The following RBFOX3 variants were observed in gnomAD, a reference collection of about 807,000 sequenced individuals.
RBFOX3 encodes RNA binding fox-1 homolog 3, also known as RNA binding protein fox-1 homolog 3.
A neutral mutation model predicts 48.7 loss-of-function variants in RBFOX3; 17 were observed. That is an observed-to-expected ratio of 0.35 (90% CI 0.24 to 0.52). The LOEUF is 0.52. Among genes scored for constraint, RBFOX3 ranks in the 20% least tolerant of loss-of-function variants. The probability of loss-of-function intolerance (pLI) is 0.94; values close to 1 mark genes in which losing one functional copy is unlikely to be tolerated. For missense variants in RBFOX3, 382 were observed against 497.5 expected, an observed-to-expected ratio of 0.77 and a Z score of 2.21; for synonymous variants, 212 against 209.5, an observed-to-expected ratio of 1.01 and a Z score of -0.10.
At chr17:79,595,620 G>A (rs1230800968) in intron 1 of RBFOX3, among the ~76,000 whole-genome samples, 2 of 152,188 alleles carry the variant, frequency 1.3e-5, no homozygotes, top group African/African-American at 2.4e-5. Context: ...TAGCAGCGGG[G>A]AGACCTGTGG....
chr17:79,186,224 C>G (rs1245334931), intron 4 of RBFOX3, among the ~76,000 whole-genome samples: 11 of 152,218 alleles, frequency 7.2e-5, no homozygotes, highest in Admixed American at 1.3e-4. Flanking sequence ...CACCCAGCTC[C>G]AGAGAGAGAG....
At chr17:79,125,075 C>A (rs180672022) in intron 4 of RBFOX3, among the ~76,000 whole-genome samples, 2 of 152,190 alleles carry the variant, frequency 1.3e-5, no homozygotes, top group African/African-American at 4.8e-5. Flanking sequence ...GACCTCTAGA[C>A]GCCTCCTTGA....
intron 1 of RBFOX3, among the ~76,000 whole-genome samples, chr17:79,510,207 C>T (rs942403501): frequency 6.6e-6 from 1 of 152,154 alleles, no homozygotes; most frequent in Non-Finnish European, 1.5e-5. Flanking sequence ...CACGGAAAAG[C>T]CACCAGCCCT....
At chr17:79,541,251 T>C (rs1461935145) in intron 1 of RBFOX3, among the ~76,000 whole-genome samples, 3 of 151,924 alleles carry the variant, frequency 2.0e-5, no homozygotes, top group African/African-American at 7.3e-5. Context: ...GATTCCAAGC[T>C]AAGGGTATAT....
At chr17:79,582,240 G>A (rs36188729) in intron 1 of RBFOX3, among the ~76,000 whole-genome samples, 4,674 of 148,752 alleles carry the variant, frequency 0.031, 155 homozygotes, top group Admixed American at 0.068. Context: ...GCATGTGCCT[G>A]CCCATGTATG....
intron 1 of RBFOX3, among the ~76,000 whole-genome samples, chr17:79,609,542 A>G (rs2093921660): frequency 6.6e-6 from 1 of 152,214 alleles, no homozygotes; most frequent in Admixed American, 6.5e-5. Flanking sequence ...TAAATAAATC[A>G]GGTACCTCGC....
At chr17:79,578,956 G>A (rs1441261149) in intron 1 of RBFOX3, among the ~76,000 whole-genome samples, 1 of 152,204 alleles carries the variant, frequency 6.6e-6, no homozygotes, top group South Asian at 2.1e-4. Flanking sequence ...TCTCTAAGAC[G>A]CAGTGGCCTT....
At chr17:79,315,032 C>T (rs1598219692) in intron 2 of RBFOX3, among the ~76,000 whole-genome samples, 5 of 152,142 alleles carry the variant, frequency 3.3e-5, no homozygotes, top group African/African-American at 2.4e-5. Context: ...TTTTTTGAGA[C>T]GAGCATGGTT....
intron 1 of RBFOX3, chr17:79,601,270 T>A (rs1448984460): frequency 6.6e-6 from 1 of 152,100 alleles, no homozygotes; most frequent in Non-Finnish European, 1.5e-5. Flanking sequence ...GGATACTGAT[T>A]CTCCATCCCA....
chr17:79,516,443 GTAGGA>G (rs1802923765), intron 1 of RBFOX3, among the ~76,000 whole-genome samples: 2 of 152,232 alleles, frequency 1.3e-5, no homozygotes, highest in South Asian at 4.1e-4. Flanking sequence ...CTCACCCCAT[GTAGGA>G]TTAAATGAGG....
chr17:79,640,613 CA>C, the RBFOX3 span, among the ~76,000 whole-genome samples: 8 of 152,008 alleles, frequency 5.3e-5, no homozygotes, highest in African/African-American at 1.7e-4. Context: ...ATATATAGAC[CA>C]ATCGAACAAA....
chr17:79,530,948 G>T (rs2087659371), intron 1 of RBFOX3, among the ~76,000 whole-genome samples: 1 of 152,240 alleles, frequency 6.6e-6, no homozygotes, highest in South Asian at 2.1e-4. Flanking sequence ...ACGTGGCTGT[G>T]CCGTGCGGCA....
chr17:79,274,684 G>T (rs981457346), intron 3 of RBFOX3, among the ~76,000 whole-genome samples: 1 of 152,026 alleles, frequency 6.6e-6, no homozygotes, highest in Non-Finnish European at 1.5e-5. Context: ...GAGGCTGGGG[G>T]CACAGACGTC....
At position 79,471,785 on chromosome 17, in the gene RBFOX3, C is replaced by T. The variant is rs113113109; in HGVS notation, c.-175+10669G>A. ...CGCAGGCAGGTTAGCTATCCCAGCC[C>T]TATGCATCACTCCTGCATCACACCT... is the stretch of plus-strand genomic sequence containing the variant. On this transcript the variant is annotated intron_variant, in intron 2 of 14. Coordinates refer to ENST00000693108, the MANE Select transcript of RBFOX3 (RefSeq NM_001350451.2). This position sits in a 1 kb window ranked among gnomAD's most constrained non-coding sequence, Gnocchi z 4.0. Among the ~76,000 whole-genome samples, 4,629 of 152,286 alleles carry T rather than the reference C, an allele frequency of 0.03. 246 individuals are homozygous for T. The highest frequency in any genetic ancestry group is 0.11 in the African/African-American group (4,399 of 41,538).
chr17:79,404,775 C>T (rs768938144), intron 2 of RBFOX3, among the ~76,000 whole-genome samples: 4 of 152,228 alleles, frequency 2.6e-5, no homozygotes, highest in Non-Finnish European at 5.9e-5. Context: ...GCTGCCTGGG[C>T]CATTCACCTG....
chr17:79,271,453 TC>T (rs1291582934), intron 3 of RBFOX3, among the ~76,000 whole-genome samples: 1 of 152,196 alleles, frequency 6.6e-6, no homozygotes, highest in Non-Finnish European at 1.5e-5. Context: ...TTGGGTCGGA[TC>T]CCTGTGTGCC....
chr17:79,312,380 A>G (rs11077426), intron 2 of RBFOX3, among the ~76,000 whole-genome samples: 75,325 of 151,840 alleles, frequency 0.5, 20,331 homozygotes, highest in Non-Finnish European at 0.59. Context: ...AGGGTGCAGC[A>G]GAGATGAGGA....
intron 2 of RBFOX3, among the ~76,000 whole-genome samples, chr17:79,474,386 A>T (rs113670794): frequency 0.025 from 3,810 of 152,298 alleles, 162 homozygotes; most frequent in African/African-American, 0.087. Context: ...GTCTGTTTGG[A>T]TCATGCTTGC....
chr17:79,395,127 G>A (rs533244590), intron 2 of RBFOX3, among the ~76,000 whole-genome samples: 1 of 152,342 alleles, frequency 6.6e-6, no homozygotes, highest in East Asian at 1.9e-4. Flanking sequence ...ACCTTCTGCC[G>A]GAGACCAGGG....
Sources: gnomAD v4.1 joint callset for allele counts (sites outside exome capture counted in the v4.1 genomes callset) on GRCh38, gnomAD v4.1.1 for gene constraint, Gnocchi (gnomAD v3.1) non-coding constraint, MANE v1.5 for transcripts, NCBI Gene and HGNC (gene_info 2026-07-23, HGNC 2026-07-21) for gene names.